Variants in FAIM2 observed in about 807,000 individuals in gnomAD.
FAIM2 encodes protein lifeguard 2.
A neutral mutation model predicts 47.4 loss-of-function variants in FAIM2; 27 were observed. The observed-to-expected ratio is 0.57, with a 90% confidence interval of 0.42 to 0.78. The LOEUF (loss-of-function observed/expected upper bound fraction) is 0.78. FAIM2 is among the 30% of genes least tolerant of loss of function. The pLI is 0.00. For missense variants in FAIM2, 311 were observed against 389.4 expected (o/e 0.80, Z 1.69); for synonymous variants, 156 against 159.3 (o/e 0.98, Z 0.16).
At chr12:49,878,600 G>GTGTGCATGTGTATGTGTATGTGTGCA (rs1946765244) in intron 11 of FAIM2, among the ~76,000 whole-genome samples, 3 of 124,236 alleles carry the variant, frequency 2.4e-5, no homozygotes, top group Non-Finnish European at 4.8e-5. Context: ...GTATGTGTAT[G>GTGTGCATGTGTATGTGTATGTGTGCA]TGTGCATGTG....
intron 11 of FAIM2, among the ~76,000 whole-genome samples, chr12:49,886,154 G>C (rs1486067426): frequency 3.3e-5 from 5 of 152,232 alleles, no homozygotes; most frequent in Non-Finnish European, 7.3e-5. Context: ...TGTTGACCTT[G>C]AATGCCTTTC....
At chr12:49,887,685 C>G (rs1443776927) in intron 10 of FAIM2, among the ~76,000 whole-genome samples, 1 of 151,724 alleles carries the variant, frequency 6.6e-6, no homozygotes. Context: ...TCGTTCTTCC[C>G]GCAGCACACA....
At chr12:49,875,836 C>A (rs1389802065) in intron 11 of FAIM2, among the ~76,000 whole-genome samples, 1 of 151,986 alleles carries the variant, frequency 6.6e-6, no homozygotes, top group East Asian at 1.9e-4. Context: ...GTTAGCCAGG[C>A]GTGGTGGTGG....
chr12:49,873,158 G>A (rs952302286), intron 11 of FAIM2, among the ~76,000 whole-genome samples: 3 of 152,086 alleles, frequency 2.0e-5, no homozygotes, highest in Non-Finnish European at 4.4e-5. Context: ...GGCACTGAGG[G>A]AAGGGCACTC....
Position 49,892,636 on chromosome 12 carries a change from C to T in FAIM2, c.435-1522G>A, listed in dbSNP as rs151274520. On this transcript the variant is annotated intron_variant, in intron 5 of 11. Coordinates refer to ENST00000320634, the MANE Select transcript of FAIM2 (RefSeq NM_012306.4). ...CCCTCCTACCTCCCTCACCACTCCT[C>T]GGTCCCTCCAGGGTCTCTCTCAGTC... is the stretch of plus-strand genomic sequence containing the variant. 3.9e-5 allele frequency among the ~76,000 whole-genome samples: 6 copies of T among 152,274 alleles called. No homozygotes were observed. The East Asian group carries it at 7.7e-4, about 20-fold the overall frequency.
At position 49,901,273 on chromosome 12, in the gene FAIM2, C is replaced by A; in HGVS notation, c.68G>T (p.Gly23Val). The change falls in exon 2 of 12, where the codon GGC (glycine) becomes GTC (valine). Residue 23 changes from glycine (G) to valine (V), a missense_variant. Gly to Val is a moderately radical substitution (Grantham distance 109). Transcript: ENST00000320634. ...PGTEGQQQVH[G>V]EKKEAPAVPS... The stretch of plus-strand genomic sequence containing the variant: ...CACTGCTGGAGCCTCCTTCTTCTCG[C>A]CATGCACCTGCTGCTGCCCCTCGGT... The A allele has an allele frequency of 6.2e-7, 1 of 1,608,688 alleles. No homozygotes were observed. Among genetic ancestry groups the A allele is most frequent in the Non-Finnish European group, 8.5e-7 (1 of 1,177,890 alleles).
chr12:49,903,587 C>T (rs894150463), intron 1 of FAIM2, among the ~76,000 whole-genome samples, 191 bp downstream of exon 1: 2 of 152,100 alleles, frequency 1.3e-5, no homozygotes, highest in African/African-American at 2.4e-5. Flanking sequence ...GGCGCGCCTG[C>T]GGGCAGGAAG....
At chr12:49,883,579 G>A (rs1300901798) in intron 11 of FAIM2, among the ~76,000 whole-genome samples, 1 of 152,072 alleles carries the variant, frequency 6.6e-6, no homozygotes, top group South Asian at 2.1e-4. Flanking sequence ...CTAGGCAACC[G>A]GAAATTCTAG....
chr12:49,890,762 T>A (rs992527674), intron 6 of FAIM2, 40 bp from the exon 7 acceptor site: 4 of 1,586,536 alleles, frequency 2.5e-6, no homozygotes, highest in Non-Finnish European at 3.5e-6. Context: ...TCGTAGGGGG[T>A]GGGGGCAGTG....
At chr12:49,894,618 G>C (rs1284617413) in intron 5 of FAIM2, among the ~76,000 whole-genome samples, 1 of 152,174 alleles carries the variant, frequency 6.6e-6, no homozygotes, top group Non-Finnish European at 1.5e-5. Flanking sequence ...AGAATGTCAG[G>C]ACAGGGAAGT....
chr12:49,879,512 ATG>A (rs61721377), intron 11 of FAIM2, among the ~76,000 whole-genome samples: 15,559 of 146,746 alleles, frequency 0.11, 928 homozygotes, highest in Non-Finnish European at 0.14. Flanking sequence ...ATGTATGTGC[ATG>A]TGTGTGTGTC....
chr12:49,887,216 G>A (rs1277861281), intron 11 of FAIM2, among the ~76,000 whole-genome samples, 170 bp downstream of exon 11: 1 of 152,090 alleles, frequency 6.6e-6, no homozygotes, highest in African/African-American at 2.4e-5. Flanking sequence ...AAACCAGGTA[G>A]AATCCCCCAA....
intron 11 of FAIM2, among the ~76,000 whole-genome samples, chr12:49,879,871 CGTGT>C (rs1946793837): frequency 7.8e-6 from 1 of 127,784 alleles, no homozygotes; most frequent in African/African-American, 3.3e-5. Context: ...TGTATATGTA[CGTGT>C]ATGTGTATGT....
At chr12:49,882,308 G>C (rs987947682) in intron 11 of FAIM2, among the ~76,000 whole-genome samples, 1 of 152,184 alleles carries the variant, frequency 6.6e-6, no homozygotes, top group Non-Finnish European at 1.5e-5. Flanking sequence ...GGACCACAGA[G>C]TCCGCAGGCC....
At chr12:49,887,472 C>A (rs1408149218) in intron 10 of FAIM2, 33 bp from the exon 11 acceptor site, 1 of 1,590,990 alleles carries the variant, frequency 6.3e-7, no homozygotes, top group Non-Finnish European at 8.6e-7. Context: ...TTAGGGACGA[C>A]AAGAAGGGGC....
intron 1 of FAIM2, 104 bp from the exon 2 acceptor site, chr12:49,901,429 C>A: frequency 2.3e-6 from 2 of 869,806 alleles, no homozygotes; most frequent in South Asian, 2.0e-5. Flanking sequence ...ATGGTTCCTT[C>A]CTTACCTGCA....
intron 11 of FAIM2, among the ~76,000 whole-genome samples, chr12:49,881,041 G>A (rs531710529): frequency 7.9e-5 from 12 of 152,238 alleles, no homozygotes; most frequent in African/African-American, 2.9e-4. Context: ...GCTGTATTAT[G>A]TCTCTCCATA....
chr12:49,878,808 A>G (rs199975036), intron 11 of FAIM2, among the ~76,000 whole-genome samples: 1 of 35,400 alleles, frequency 2.8e-5, no homozygotes, highest in African/African-American at 1.7e-4. Context: ...ATATGTGTGC[A>G]TGTGAATGTG....
Position 49,878,684 on chromosome 12 carries a change from ATG to A in FAIM2, c.802-8033_802-8032del, listed in dbSNP as rs1460747573. On this transcript the variant is annotated intron_variant, in intron 11 of 11. Transcript: ENST00000320634. Reference sequence around the variant, plus strand: ...TATGTGCATGTGTGTATGTGTGTATATGTGAGTGTATGTGCATGTGTGCATAT... The same window carrying A: ...TATGTGCATGTGTGTATGTGTGTATATGAGTGTATGTGCATGTGTGCATAT... 9.3e-5 allele frequency among the ~76,000 whole-genome samples: 11 copies of A among 117,994 alleles called. 2 individuals are homozygous for A. In the East Asian group the frequency reaches 2.1e-3, roughly 22 times the overall value. 77.4% of individuals were successfully genotyped at this position (117,994 alleles called of 152,430 possible). A position where few individuals can be genotyped will look rare whatever the true frequency, so the allele number is the denominator to read the frequency against.
Sources: gnomAD v4.1 joint callset for allele counts (sites outside exome capture counted in the v4.1 genomes callset) on GRCh38, gnomAD v4.1.1 for gene constraint, MANE v1.5 for transcripts, NCBI Gene and HGNC (gene_info 2026-07-23, HGNC 2026-07-21) for gene names.